Variants in LST1 observed in about 807,000 individuals in gnomAD.
The protein encoded by LST1 is leukocyte specific transcript 1.
A neutral mutation model predicts 8.5 loss-of-function variants in LST1; 9 were observed. That is an observed-to-expected ratio of 1.06 (90% CI 0.64 to 1.85). The LOEUF is 1.85. LST1 is among the 40% of genes most tolerant of loss of function. LST1 has a pLI of 0.00. For synonymous variants in LST1, 53 were observed against 50.4 expected, an observed-to-expected ratio of 1.05 and a Z score of -0.21; for missense variants, 121 against 117.1, an observed-to-expected ratio of 1.03 and a Z score of -0.16.
Position 31,588,616 on chromosome 6 carries a change from A to G in LST1, c.234A>G (p.Arg78=), listed in dbSNP as rs368039386. The G allele has an allele frequency of 2.1e-5, 34 of 1,612,978 alleles. No homozygotes were observed. Among genetic ancestry groups the G allele is most frequent in the Non-Finnish European group, 2.6e-5 (31 of 1,180,040 alleles). The change falls in exon 5 of 5, where the codon AGA becomes AGG. Residue 78 remains arginine (R), a synonymous_variant. Coordinates refer to ENST00000438075, the MANE Select transcript of LST1 (RefSeq NM_205839.3). The part of the protein sequence containing the change: ...EGPDLRGRDK[R]GTKEDPRADY... The stretch of plus-strand genomic sequence containing the variant: ...CTGACCTCAGGGGCAGAGACAAGAG[A>G]GGCACCAAGGAGGATCCAAGAGCTG...
At chr6:31,588,379 AG>A (rs1233585764) in intron 4 of LST1, 138 bp from the exon 5 acceptor site, 21 of 630,258 alleles carry the variant, frequency 3.3e-5, no homozygotes, top group South Asian at 7.2e-5. Context: ...GAAAAAAGAG[AG>A]AGAGAGAGAG....
chr6:31,588,326 T>C, intron 4 of LST1, 192 bp from the exon 5 acceptor site: 1 of 645,644 alleles, frequency 1.5e-6, no homozygotes, highest in Non-Finnish European at 2.6e-6. Context: ...AGCTCAGGGG[T>C]TGAAGACAAT....
At chr6:31,587,988 G>T in intron 4 of LST1, 22 bp downstream of exon 4, 1 of 1,602,706 alleles carries the variant, frequency 6.2e-7, no homozygotes, top group Non-Finnish European at 8.5e-7. Flanking sequence ...GACAGGGAAG[G>T]GGGAGGGCAA....
At chr6:31,588,074 G>C in intron 4 of LST1, 108 bp downstream of exon 4, 1 of 1,189,550 alleles carries the variant, frequency 8.4e-7, no homozygotes. Context: ...GAGACAAGGA[G>C]AGAGAAAGTA....
chr6:31,587,719 G>T lies in LST1; in HGVS notation c.98G>T (p.Trp33Leu). The T allele has an allele frequency of 6.2e-7, 1 of 1,601,078 alleles. No homozygotes were observed. ...AVVLLSACLC[W>L]LHRRVKRLER... ...GTCCTTCTGTCCGCCTGCCTGTGTTGGCTGCATCGAAGAGGTGAGCGCTGC... is the reference window on the plus strand; with the variant it reads ...GTCCTTCTGTCCGCCTGCCTGTGTTTGCTGCATCGAAGAGGTGAGCGCTGC... Residue 33 changes from tryptophan (W) to leucine (L), a missense_variant, in exon 3 of 5, where the codon TGG becomes TTG. Coordinates refer to ENST00000438075, the MANE Select transcript of LST1 (RefSeq NM_205839.3).
rs756888219 is a variant in LST1, at chr6:31,587,673, G to A, written c.52G>A (p.Gly18Arg). 2.9e-5 allele frequency: 47 copies of A among 1,603,822 alleles called. No homozygotes were observed. In the Admixed American group the frequency reaches 4.4e-4, roughly 15 times the overall value. ...ICIYGGLGLG[G>R]LLLLAVVLLS... ...TATCTACGGGGGCCTGGGGCTGGGC[G>A]GGCTCCTGCTTCTGGCAGTGGTCCT... The change falls in exon 3 of 5, where the codon GGG (glycine) becomes AGG (arginine). Residue 18 changes from glycine (G) to arginine (R), a missense_variant. By Grantham distance (125) the Gly-to-Arg change is moderately radical. Transcript: ENST00000438075.
chr6:31,588,517 G>C lies in LST1; in HGVS notation c.136-1G>C, dbSNP rs779268211. 1.9e-6 allele frequency: 3 copies of C among 1,599,058 alleles called. No individual in the cohort carries two copies. Among genetic ancestry groups the C allele is most frequent in the Non-Finnish European group, 2.6e-6 (3 of 1,173,294 alleles). On this transcript the variant is annotated splice_acceptor_variant, in intron 4 of 4. Transcript: ENST00000438075. LOFTEE classifies it high-confidence loss of function. Reference sequence around the variant, plus strand: ...ATCAGCACCTTCTGTCCTGGTCCCAGGCCCAGGGCTCCTCAGAGCAGGAAC... The same window carrying C: ...ATCAGCACCTTCTGTCCTGGTCCCACGCCCAGGGCTCCTCAGAGCAGGAAC...
chr6:31,587,619 C>T (rs1345693662), intron 2 of LST1, 22 bp from the exon 3 acceptor site: 2 of 1,487,762 alleles, frequency 1.3e-6, no homozygotes, highest in Non-Finnish European at 1.8e-6. Context: ...GGCTTCCTAA[C>T]CTTGAGCCCT....
At chr6:31,588,376 G>T in intron 4 of LST1, 142 bp from the exon 5 acceptor site, 1 of 317,482 alleles carries the variant, frequency 3.1e-6, no homozygotes, top group Non-Finnish European at 5.8e-6. Context: ...AAAGAAAAAA[G>T]AGAGAGAGAG....
chr6:31,587,337 G>T lies in LST1; in HGVS notation c.19+19G>T. 6.2e-7 allele frequency: 1 copy of T among 1,613,090 alleles called. No individual in the cohort carries two copies. Among genetic ancestry groups the T allele is most frequent in the Non-Finnish European group, 8.5e-7 (1 of 1,179,078 alleles). On this transcript the variant is annotated intron_variant, in intron 2 of 4. Coordinates refer to ENST00000438075, the MANE Select transcript of LST1 (RefSeq NM_205839.3). The stretch of plus-strand genomic sequence containing the variant: ...AATGATGGTAAGTAAAGTGTCTCTT[G>T]CATCTGCATAGAGAGAGTCCTGGGA...
In LST1 at chr6:31,588,603, G is replaced by T. The variant is rs765820239; in HGVS notation, c.221G>T (p.Gly74Val). ...VPSSEGPDLRGRDKRGTKEDP... is the reference protein window; with the variant it reads ...VPSSEGPDLRVRDKRGTKEDP... Reference sequence around the variant, plus strand: ...AGCAGTGAGGGACCTGACCTCAGGGGCAGAGACAAGAGAGGCACCAAGGAG... The same window carrying T: ...AGCAGTGAGGGACCTGACCTCAGGGTCAGAGACAAGAGAGGCACCAAGGAG... The change falls in exon 5 of 5, where the codon GGC (glycine) becomes GTC (valine). Residue 74 changes from glycine to valine, a missense_variant. Gly to Val is a moderately radical substitution (Grantham distance 109). Coordinates refer to ENST00000438075, the MANE Select transcript of LST1 (RefSeq NM_205839.3). 2 of 1,613,042 alleles carry T rather than the reference G, an allele frequency of 1.2e-6. No individual in the cohort carries two copies. Among genetic ancestry groups the T allele is most frequent in the East Asian group, 4.5e-5 (2 of 44,880 alleles).
rs201331953 is a variant in LST1 at position 31,588,721 on chromosome 6, C to G, written c.*45C>G. On this transcript the variant is annotated 3_prime_UTR_variant, in exon 5 of 5. Transcript: ENST00000438075. ...CAACCCAGGCGGGTGGACAGGGTCC[C>G]CCTGTGGTCCAGCCAGTAAAAACCA... 2.5e-6 allele frequency: 4 copies of G among 1,605,608 alleles called. No homozygotes were observed. Among genetic ancestry groups the G allele is most frequent in the Non-Finnish European group, 3.4e-6 (4 of 1,173,266 alleles).
Sources: gnomAD v4.1 joint callset for allele counts on GRCh38, gnomAD v4.1.1 for gene constraint, MANE v1.5 for transcripts, NCBI Gene and HGNC (gene_info 2026-07-23, HGNC 2026-07-21) for gene names.